DOCK3: variants seen among roughly 807,000 people sequenced by gnomAD.
DOCK3 encodes dedicator of cytokinesis protein 3.
In DOCK3, 60 loss-of-function variants were observed where a neutral mutation model predicts 265.6. The observed-to-expected ratio is 0.23, with a 90% CI of 0.18 to 0.28. The LOEUF is 0.28. Ranked by LOEUF, DOCK3 falls within the 10% of genes least tolerant of loss-of-function variation. The probability of loss-of-function intolerance (pLI) is 1.00; values close to 1 mark genes in which losing one functional copy is unlikely to be tolerated. For synonymous variants in DOCK3, 881 were observed against 938.0 expected, an observed-to-expected ratio of 0.94 and a Z score of 1.11; for missense variants, 1,981 against 2,594.3, an observed-to-expected ratio of 0.76 and a Z score of 5.14.
At chr3:51,148,422 C>T (rs2085405330) in intron 10 of DOCK3, among the ~76,000 whole-genome samples, 1 of 152,152 alleles carries the variant, frequency 6.6e-6, no homozygotes, top group African/African-American at 2.4e-5. Flanking sequence ...TTGCCAATGC[C>T]TATGTCCTGA....
At position 51,381,417 on chromosome 3, in the gene DOCK3, C is replaced by T. The variant is rs373541265; in HGVS notation, c.5951C>T (p.Ala1984Val). Residue 1984 changes from alanine (A) to valine (V), a missense_variant, in exon 53 of 53, where the codon GCC (alanine) becomes GTC (valine). Coordinates refer to ENST00000266037, the MANE Select transcript of DOCK3 (RefSeq NM_004947.5). This position sits in a 1 kb window ranked among gnomAD's most constrained non-coding sequence, Gnocchi z 5.6. ...PPKPYHPRLP[A>V]LEHDEGVLLR... ...AAGCCCTACCACCCCCGCCTGCCGGCCCTGGAGCACGATGAGGGGGTGCTG... is the reference window on the plus strand; with the variant it reads ...AAGCCCTACCACCCCCGCCTGCCGGTCCTGGAGCACGATGAGGGGGTGCTG... 5 of 1,612,052 alleles carry T rather than the reference C, an allele frequency of 3.1e-6. No homozygotes were observed. The East Asian group carries it at 1.1e-4, about 36-fold the overall frequency.
chr3:51,064,669 A>T lies in DOCK3; in HGVS notation c.464+73A>T, dbSNP rs967992109. On this transcript the variant is annotated intron_variant, in intron 6 of 52. Transcript: ENST00000266037. ...CTCAGTCTTCAGGGAGTTTGCACCTATACAAAGCTTCTCTTTAATGATTCA... is the reference window on the plus strand; with the variant it reads ...CTCAGTCTTCAGGGAGTTTGCACCTTTACAAAGCTTCTCTTTAATGATTCA... The T allele has an allele frequency of 3.4e-5, 52 of 1,533,472 alleles. 1 individual carries two copies. The South Asian group carries it at 6.3e-4, about 19-fold the overall frequency. The allele number at this position is 1,533,472 out of a possible 1,614,324, so 95.0% of individuals were successfully genotyped here.
At chr3:50,690,674 G>T (rs1198256775) in intron 1 of DOCK3, among the ~76,000 whole-genome samples, 2 of 151,574 alleles carry the variant, frequency 1.3e-5, no homozygotes, top group African/African-American at 2.4e-5. Flanking sequence ...ACAGAATCTC[G>T]CTGTGTTGCC....
intron 2 of DOCK3, among the ~76,000 whole-genome samples, chr3:50,810,278 C>T (rs2043665068): frequency 6.6e-6 from 1 of 151,810 alleles, no homozygotes; most frequent in South Asian, 2.1e-4. Context: ...TGGCGGGGTG[C>T]GGTGGCTTAT....
intron 3 of DOCK3, among the ~76,000 whole-genome samples, chr3:50,872,840 C>T (rs1326327404): frequency 6.6e-6 from 1 of 152,200 alleles, no homozygotes; most frequent in Non-Finnish European, 1.5e-5. Context: ...CCCACGGGGC[C>T]TACTGCCAGA....
intron 14 of DOCK3, among the ~76,000 whole-genome samples, chr3:51,219,824 G>A (rs2089985241): frequency 6.6e-6 from 1 of 152,130 alleles, no homozygotes; most frequent in Non-Finnish European, 1.5e-5. Flanking sequence ...TGAGGCTATG[G>A]CAGTGTATCT....
chr3:50,708,183 G>A (rs1040780199), intron 1 of DOCK3, among the ~76,000 whole-genome samples: 2 of 152,172 alleles, frequency 1.3e-5, no homozygotes, highest in Admixed American at 1.3e-4. Flanking sequence ...TCCTGGGATG[G>A]CATCCAGGCA....
chr3:51,356,261 C>T lies in DOCK3; in HGVS notation c.4416+6C>T. 6.7e-7 allele frequency: 1 copy of T among 1,502,530 alleles called. No individual in the cohort carries two copies. Among genetic ancestry groups the T allele is most frequent in the Non-Finnish European group, 8.8e-7 (1 of 1,134,418 alleles). 93.1% of individuals were successfully genotyped at this position (1,502,530 alleles called of 1,614,324 possible). A position where few individuals can be genotyped will look rare whatever the true frequency, so the allele number is the denominator to read the frequency against. On this transcript the variant is annotated splice_donor_region_variant and intron_variant, in intron 42 of 52. Coordinates refer to ENST00000266037, the MANE Select transcript of DOCK3 (RefSeq NM_004947.5). ...ACAAGGAGAATGAATTCAAGGTGAA[C>T]AAATCTAGGAAAACGGGCAGTACAC...
intron 9 of DOCK3, among the ~76,000 whole-genome samples, chr3:51,098,733 T>G (rs1233372558): frequency 6.6e-6 from 1 of 152,186 alleles, no homozygotes; most frequent in Non-Finnish European, 1.5e-5. Flanking sequence ...CTTAACTTGG[T>G]CCAGGACATA....
At chr3:50,857,656 A>C (rs1443183492) in intron 3 of DOCK3, among the ~76,000 whole-genome samples, 1 of 152,256 alleles carries the variant, frequency 6.6e-6, no homozygotes, top group Non-Finnish European at 1.5e-5. Flanking sequence ...ACATTTATGC[A>C]GCCAACAGAC....
intron 5 of DOCK3, among the ~76,000 whole-genome samples, chr3:50,946,094 TAAAAAAAAAA>T (rs35670695): frequency 2.2e-5 from 2 of 91,716 alleles, no homozygotes; most frequent in Non-Finnish European, 2.1e-5. Context: ...CCCCATCTCT[TAAAAAAAAAA>T]AAAAAAAAAA....
chr3:51,161,310 G>A (rs1576284273), intron 12 of DOCK3, among the ~76,000 whole-genome samples: 1 of 151,788 alleles, frequency 6.6e-6, no homozygotes, highest in Non-Finnish European at 1.5e-5. Context: ...TGGGTGTGGT[G>A]GCGGACGCCT....
At chr3:51,067,814 C>T (rs1478050362) in intron 6 of DOCK3, among the ~76,000 whole-genome samples, 1 of 152,118 alleles carries the variant, frequency 6.6e-6, no homozygotes, top group Non-Finnish European at 1.5e-5. Flanking sequence ...AACTTTTCTT[C>T]CTATTTTGAA....
intron 10 of DOCK3, among the ~76,000 whole-genome samples, chr3:51,155,876 C>T (rs1286119976): frequency 6.6e-6 from 1 of 152,180 alleles, no homozygotes; most frequent in Admixed American, 6.5e-5. Context: ...CTCATACACA[C>T]TGCCGGCAAG....
intron 1 of DOCK3, among the ~76,000 whole-genome samples, chr3:50,743,520 CA>C (rs951967855): frequency 6.7e-6 from 1 of 148,162 alleles, no homozygotes; most frequent in African/African-American, 2.5e-5. Context: ...AAATGGAAAA[CA>C]AAAAAAGGCA....
chr3:51,202,843 G>C (rs912682465), intron 12 of DOCK3, among the ~76,000 whole-genome samples: 2 of 151,210 alleles, frequency 1.3e-5, no homozygotes, highest in African/African-American at 4.9e-5. Context: ...CTTCATGCTG[G>C]GATGCAAGGC....
chr3:51,091,419 C>T (rs747890564), intron 9 of DOCK3, among the ~76,000 whole-genome samples: 3 of 152,112 alleles, frequency 2.0e-5, no homozygotes, highest in Non-Finnish European at 4.4e-5. Flanking sequence ...AGCAATGGCT[C>T]ACGACTGTAA....
At chr3:51,053,763 T>C (rs1431812786) in intron 5 of DOCK3, among the ~76,000 whole-genome samples, 1 of 152,194 alleles carries the variant, frequency 6.6e-6, no homozygotes, top group Non-Finnish European at 1.5e-5. Flanking sequence ...TTACTATGCC[T>C]GTGTAGCCAC....
At chr3:51,009,862 C>T (rs1231108956) in intron 5 of DOCK3, among the ~76,000 whole-genome samples, 3 of 152,210 alleles carry the variant, frequency 2.0e-5, no homozygotes, top group Non-Finnish European at 4.4e-5. Flanking sequence ...TTTCTGCCTT[C>T]ATTTAATTAT....
Sources: gnomAD v4.1 joint callset for allele counts (sites outside exome capture counted in the v4.1 genomes callset) on GRCh38, gnomAD v4.1.1 for gene constraint, Gnocchi (gnomAD v3.1) non-coding constraint, MANE v1.5 for transcripts, NCBI Gene and HGNC (gene_info 2026-07-23, HGNC 2026-07-21) for gene names.